HMCN1: variants seen among roughly 807,000 people sequenced by gnomAD.
The protein encoded by HMCN1 is hemicentin-1.
HMCN1 carries 321 observed loss-of-function variants against 625.9 expected under a neutral mutation model. That is an observed-to-expected ratio of 0.51 (90% CI 0.47 to 0.56). The LOEUF is 0.56. HMCN1 is among the 20% of genes least tolerant of loss of function. HMCN1 has a pLI of 0.00. For missense variants in HMCN1, 6,588 were observed against 6,887.3 expected (o/e 0.96, Z 1.54); for synonymous variants, 2,425 against 2,417.6 (o/e 1.00, Z -0.09).
At chr1:186,078,250 C>T in intron 55 of HMCN1, 30 bp downstream of exon 55, 1 of 1,482,176 alleles carries the variant, frequency 6.7e-7, no homozygotes. Flanking sequence ...ATTGTTCATT[C>T]TTTTACTGAA....
intron 54 of HMCN1, 41 bp from the exon 55 acceptor site, chr1:186,078,066 C>G (rs752743804): frequency 6.9e-7 from 1 of 1,445,342 alleles, no homozygotes; most frequent in Non-Finnish European, 9.7e-7. Flanking sequence ...TGTGTTCACT[C>G]TAAGATTAGA....
intron 63 of HMCN1, 80 bp downstream of exon 63, chr1:186,088,835 A>G (rs1470140146): frequency 3.0e-6 from 4 of 1,338,548 alleles, no homozygotes; most frequent in African/African-American, 2.9e-5. Flanking sequence ...ATTTAAAGGT[A>G]TCAGTAGTAA....
intron 90 of HMCN1, 73 bp downstream of exon 90, chr1:186,144,416 G>T: frequency 4.4e-6 from 7 of 1,601,062 alleles, no homozygotes; most frequent in Non-Finnish European, 6.0e-6. Flanking sequence ...ATGTCAACAA[G>T]AATCTATCCC....
intron 36 of HMCN1, among the ~76,000 whole-genome samples, chr1:186,027,417 G>T (rs1339984484): frequency 2.0e-5 from 3 of 152,108 alleles, no homozygotes; most frequent in Non-Finnish European, 4.4e-5. Context: ...CATTTTATCT[G>T]CACACAATTA....
chr1:186,039,097 A>C, intron 38 of HMCN1, 92 bp downstream of exon 38: 1 of 881,292 alleles, frequency 1.1e-6, no homozygotes, highest in Non-Finnish European at 1.9e-6. Flanking sequence ...AGTATTTAAC[A>C]GAATGTGTTA....
intron 96 of HMCN1, among the ~76,000 whole-genome samples, chr1:186,153,244 T>A (rs1650784350): frequency 6.6e-6 from 1 of 152,136 alleles, no homozygotes; most frequent in African/African-American, 2.4e-5. Context: ...ACCTATAACT[T>A]TGAGTCTCTT....
chr1:185,737,379 G>A (rs1308615046), intron 1 of HMCN1, among the ~76,000 whole-genome samples: 3 of 152,064 alleles, frequency 2.0e-5, no homozygotes, highest in Admixed American at 6.6e-5. Context: ...TGAACTCCTG[G>A]CCTCAAGTGA....
chr1:186,055,846 C>A (rs1657284030), intron 45 of HMCN1, among the ~76,000 whole-genome samples, 172 bp downstream of exon 45: 1 of 152,098 alleles, frequency 6.6e-6, no homozygotes, highest in Non-Finnish European at 1.5e-5. Context: ...TGCCTGACCT[C>A]ACATTATTTA....
chr1:186,145,958 A>G, intron 93 of HMCN1, 35 bp downstream of exon 93: 3 of 1,607,632 alleles, frequency 1.9e-6, no homozygotes, highest in Non-Finnish European at 2.6e-6. Context: ...TAGCACATTT[A>G]GAGCCTTTGT....
intron 38 of HMCN1, 126 bp from the exon 39 acceptor site, chr1:186,039,602 C>A: frequency 1.0e-6 from 1 of 994,868 alleles, no homozygotes; most frequent in Non-Finnish European, 1.6e-6. Context: ...TGTGAAAGAA[C>A]TTACCAAAAA....
chr1:186,147,352 CA>C (rs1650376088), intron 93 of HMCN1, among the ~76,000 whole-genome samples: 1 of 150,552 alleles, frequency 6.6e-6, no homozygotes, highest in Admixed American at 6.6e-5. Context: ...TTTTTCTCCC[CA>C]ATTCAGACAT....
chr1:185,880,381 G>T (rs950880322), intron 4 of HMCN1, among the ~76,000 whole-genome samples: 1 of 152,148 alleles, frequency 6.6e-6, no homozygotes, highest in Non-Finnish European at 1.5e-5. Flanking sequence ...TGTGAATCAT[G>T]GTAGGTCCAG....
intron 4 of HMCN1, among the ~76,000 whole-genome samples, chr1:185,871,208 G>A (rs1468507781): frequency 2.8e-5 from 4 of 144,848 alleles, no homozygotes; most frequent in Non-Finnish European, 4.5e-5. Context: ...CAGCCTGGGC[G>A]ACAGAGAGAG....
At chr1:185,866,832 G>GT (rs1371828744) in intron 4 of HMCN1, among the ~76,000 whole-genome samples, 1 of 151,688 alleles carries the variant, frequency 6.6e-6, no homozygotes, top group African/African-American at 2.4e-5. Flanking sequence ...AAAGATAAGG[G>GT]TTTTTTAAAA....
intron 11 of HMCN1, among the ~76,000 whole-genome samples, chr1:185,934,359 C>A (rs1016639197): frequency 1.4e-4 from 22 of 152,090 alleles, no homozygotes; most frequent in African/African-American, 4.6e-4. Flanking sequence ...TACACACACA[C>A]ATACACACGC....
chr1:186,158,810 C>T (rs1474725491), intron 97 of HMCN1, among the ~76,000 whole-genome samples: 2 of 152,064 alleles, frequency 1.3e-5, no homozygotes, highest in African/African-American at 4.8e-5. Flanking sequence ...TGTTTTGGTA[C>T]CAGTACCATG....
intron 1 of HMCN1, among the ~76,000 whole-genome samples, chr1:185,769,217 G>T (rs112786715): frequency 0.032 from 4,885 of 152,164 alleles, 263 homozygotes; most frequent in African/African-American, 0.11. Flanking sequence ...GAAGGCTGAG[G>T]TGAGAGGATC....
intron 47 of HMCN1, 70 bp from the exon 48 acceptor site, chr1:186,062,443 TA>T: frequency 1.1e-6 from 1 of 891,400 alleles, no homozygotes; most frequent in South Asian, 1.3e-5. Context: ...AATAAAACCA[TA>T]CATAAATATC....
chr1:185,901,361 T>G (rs1665795341), intron 4 of HMCN1, among the ~76,000 whole-genome samples: 1 of 151,698 alleles, frequency 6.6e-6, no homozygotes, highest in Admixed American at 6.6e-5. Flanking sequence ...CTGGGCCAGT[T>G]GGAACTGAAG....
Sources: allele counts gnomAD v4.1 joint callset (sites outside exome capture counted in the v4.1 genomes callset), GRCh38; gene constraint gnomAD v4.1.1; transcripts MANE v1.5; gene names NCBI Gene and HGNC (gene_info 2026-07-23, HGNC 2026-07-21).